MASP2: variants seen among roughly 807,000 people sequenced by gnomAD.
MASP2 encodes the protein mannan-binding lectin serine protease 2.
In MASP2, 49 loss-of-function variants were observed where a neutral mutation model predicts 57.1. The ratio of observed to expected loss-of-function variants is 0.86; its 90% CI spans 0.68 to 1.09. MASP2 has a LOEUF of 1.09. Ranked by LOEUF, MASP2 falls within the 50% of genes least tolerant of loss-of-function variation. The pLI, the probability that MASP2 is intolerant of heterozygous loss-of-function variation, is 0.00. For missense variants in MASP2, 900 were observed against 874.8 expected (o/e 1.03, Z -0.36); for synonymous variants, 379 against 340.8 (o/e 1.11, Z -1.24).
At chr1:11,033,926 G>GACACACACAC (rs762078074) in intron 8 of MASP2, among the ~76,000 whole-genome samples, 7 of 140,128 alleles carry the variant, frequency 5.0e-5, no homozygotes, top group East Asian at 2.2e-4. Context: ...GTGAGACTCC[G>GACACACACAC]ACACACACAC....
At chr1:11,030,911 C>G (rs769989794) in intron 8 of MASP2, 29 bp from the exon 9 acceptor site, 1 of 1,604,386 alleles carries the variant, frequency 6.2e-7, no homozygotes, top group Non-Finnish European at 8.5e-7. Context: ...AGGGAGGAAT[C>G]CATTGATCAT....
intron 8 of MASP2, among the ~76,000 whole-genome samples, chr1:11,032,463 T>A (rs556628082): frequency 6.6e-6 from 1 of 151,624 alleles, no homozygotes; most frequent in East Asian, 1.9e-4. Flanking sequence ...ACTAAAAAAA[T>A]TACTGGGTGT....
At position 11,034,838 on chromosome 1, in the gene MASP2, G is replaced by C. The variant is rs146514683; in HGVS notation, c.1077C>G (p.Pro359=). The C allele has an allele frequency of 6.2e-7, 1 of 1,611,858 alleles. No homozygotes were observed. The highest frequency in any genetic ancestry group is 2.2e-5 in the East Asian group (1 of 44,716). The change falls in exon 8 of 11, where the codon CCC becomes CCG. Residue 359 remains proline, a synonymous_variant. Transcript: ENST00000400897. ...ACCACACGACCGTACTGCTGCACGC[G>C]GGCATTGGCCGGTCCCAAGATCCAT... ...QKDGSWDRPM[P]ACSIVDCGPP...
chr1:11,029,701 G>T (rs1300460511), intron 10 of MASP2: 2 of 122,896 alleles, frequency 1.6e-5, no homozygotes, highest in Admixed American at 2.4e-4. Flanking sequence ...GAGTATAATG[G>T]TGCGATCTGG....
chr1:11,030,603 A>G, intron 9 of MASP2, 145 bp downstream of exon 9: 1 of 877,462 alleles, frequency 1.1e-6, no homozygotes, highest in South Asian at 2.0e-5. Flanking sequence ...CACTTTAGCT[A>G]TAATATTTCA....
intron 10 of MASP2, among the ~76,000 whole-genome samples, chr1:11,028,723 T>G (rs1359411221): frequency 8.7e-5 from 13 of 150,038 alleles, no homozygotes; most frequent in African/African-American, 2.7e-4. Flanking sequence ...TTTTTTTTTT[T>G]TTTTTTTTGA....
In MASP2 at chr1:11,045,530, T is replaced by C. The variant is rs771974148; in HGVS notation, c.422A>G (p.Glu141Gly). The C allele has an allele frequency of 1.9e-6, 3 of 1,606,326 alleles. No individual in the cohort carries two copies. Among genetic ancestry groups the C allele is most frequent in the Non-Finnish European group, 2.5e-6 (3 of 1,177,840 alleles). ...CGCCTCTCCCGGGGCCACCTGGCAC[T>C]CGTCAATGTCTGGGGGAGAGGCAGG... ...EAFYAAEDID[E>G]CQVAPGEAPT... is the part of the protein sequence containing the mutation. The change falls in exon 4 of 11, where the codon GAG becomes GGG. Residue 141 changes from glutamate to glycine, a missense_variant. By Grantham distance (98) the Glu-to-Gly change is moderately conservative. Coordinates refer to ENST00000400897, the MANE Select transcript of MASP2 (RefSeq NM_006610.4).
At position 11,042,975 on chromosome 1, in the gene MASP2, C is replaced by T; in HGVS notation, c.789G>A (p.Leu263=). 1 of 1,613,918 alleles carries T rather than the reference C, an allele frequency of 6.2e-7. No individual in the cohort carries two copies. The highest frequency in any genetic ancestry group is 1.1e-5 in the South Asian group (1 of 91,084). ...TGCTTTTTGTTTCAATCCTGTGGGG[C>T]AATGTCTTCCCACAGAATGGGCCAT... ...EEHGPFCGKT[L]PHRIETKSNT... Residue 263 remains leucine (L), a synonymous_variant, in exon 6 of 11, where the codon TTG becomes TTA. Coordinates refer to ENST00000400897, the MANE Select transcript of MASP2 (RefSeq NM_006610.4).
chr1:11,042,780 G>A, intron 6 of MASP2, 95 bp downstream of exon 6: 1 of 1,408,490 alleles, frequency 7.1e-7, no homozygotes, highest in Non-Finnish European at 9.7e-7. Flanking sequence ...CCTAGTCCTG[G>A]CCCAGAAGGA....
Position 11,045,531 on chromosome 1 carries a change from C to G in MASP2, c.421G>C (p.Glu141Gln), listed in dbSNP as rs773222632. Reference protein sequence around the residue: ...EAFYAAEDIDECQVAPGEAPT... With the variant: ...EAFYAAEDIDQCQVAPGEAPT... ...GCCTCTCCCGGGGCCACCTGGCACT[C>G]GTCAATGTCTGGGGGAGAGGCAGGG... The change falls in exon 4 of 11, where the codon GAG becomes CAG. Residue 141 changes from glutamate to glutamine, a missense_variant. Glu to Gln is a conservative substitution (Grantham distance 29). Transcript: ENST00000400897. 1.9e-6 allele frequency: 3 copies of G among 1,606,126 alleles called. No individual in the cohort carries two copies. In the African/African-American group the frequency reaches 4.0e-5, roughly 21 times the overall value.
At position 11,033,957 on chromosome 1, in the gene MASP2, ACACACACACTCTCTCT is replaced by A. The variant is rs1157324664; in HGVS notation, c.1087+855_1087+870del. ...CACACACACACACACACACACACAC[ACACACACACTCTCTCT>A]CTCTCTCTCTCTCACACACTTTGGG... On this transcript the variant is annotated intron_variant, in intron 8 of 10. Coordinates refer to ENST00000400897, the MANE Select transcript of MASP2 (RefSeq NM_006610.4). Among the ~76,000 whole-genome samples the A allele has an allele frequency of 2.4e-3, 251 of 103,748 alleles. 1 individual carries two copies. The highest frequency in any genetic ancestry group is 0.013 in the African/African-American group (186 of 14,342). The allele number at this position is 103,748 out of a possible 152,430, so 68.1% of individuals were successfully genotyped here.
At chr1:11,036,510 C>CAAAAAAAAAAAACAAAA (rs1638239079) in intron 7 of MASP2, among the ~76,000 whole-genome samples, 1 of 54,330 alleles carries the variant, frequency 1.8e-5, no homozygotes, top group African/African-American at 6.2e-5. Context: ...GACTCCGTCT[C>CAAAAAAAAAAAACAAAA]AAAAAAAAAA....
Position 11,027,347 on chromosome 1 carries a change from T to A in MASP2, c.1599A>T (p.Ile533=), listed in dbSNP as rs1278232417. The change falls in exon 11 of 11, where the codon ATA becomes ATT. Residue 533 remains isoleucine, a synonymous_variant. Coordinates refer to ENST00000400897, the MANE Select transcript of MASP2 (RefSeq NM_006610.4). The part of the protein sequence containing the change: ...YTHDAGFDND[I]ALIKLNNKVV... ...CTTTGTTATTCAATTTAATCAGTGC[T>A]ATGTCATTGTCAAAGCCAGCATCAT... 1.2e-6 allele frequency: 2 copies of A among 1,614,200 alleles called. No individual in the cohort carries two copies. The highest frequency in any genetic ancestry group is 1.7e-6 in the Non-Finnish European group (2 of 1,180,032).
chr1:11,037,798 A>G lies in MASP2; in HGVS notation c.903T>C (p.Pro301=), dbSNP rs150249517. 17 of 1,610,110 alleles carry G rather than the reference A, an allele frequency of 1.1e-5. No individual in the cohort carries two copies. The highest frequency in any genetic ancestry group is 1.4e-5 in the Non-Finnish European group (17 of 1,177,986). Residue 301 remains proline, a synonymous_variant, in exon 7 of 11, where the codon CCT becomes CCC. Coordinates refer to ENST00000400897, the MANE Select transcript of MASP2 (RefSeq NM_006610.4). ...IHYTSTAQPC[P]YPMAPPNGHV... The stretch of plus-strand genomic sequence containing the variant: ...GGCCATTAGGTGGCGCCATCGGATA[A>G]GGGCAAGGCTGCGCTGCGCAGAGGA...
intron 7 of MASP2, 121 bp from the exon 8 acceptor site, chr1:11,035,027 C>A (rs979790330): frequency 1.4e-5 from 9 of 653,894 alleles, no homozygotes; most frequent in Non-Finnish European, 1.8e-5. Context: ...AAGGGGGTGG[C>A]AGCACACATG....
chr1:11,043,524 C>T lies in MASP2; in HGVS notation c.556G>A (p.Gly186Ser), dbSNP rs771723749. 2.7e-5 allele frequency: 43 copies of T among 1,599,770 alleles called. No individual in the cohort carries two copies. The highest frequency in any genetic ancestry group is 1.4e-4 in the South Asian group (12 of 88,606). ...NKRTCSALCS[G>S]QVFTQRSGEL... ...CCAGACCTCTGGGTGAAGACCTGGC[C>T]GGAGCACAGGGCTGGAAGGAGGGAA... Residue 186 changes from glycine (G) to serine (S), a missense_variant, in exon 5 of 11, where the codon GGC becomes AGC. Coordinates refer to ENST00000400897, the MANE Select transcript of MASP2 (RefSeq NM_006610.4).
chr1:11,037,806 G>A lies in MASP2; in HGVS notation c.895C>T (p.Pro299Ser), dbSNP rs1269801563. The change falls in exon 7 of 11, where the codon CCT (proline) becomes TCT (serine). Residue 299 changes from proline (P) to serine (S), a missense_variant. By Grantham distance (74) the Pro-to-Ser change is moderately conservative (BLOSUM62 -1). Transcript: ENST00000400897. ...GGTGGCGCCATCGGATAAGGGCAAG[G>A]CTGCGCTGCGCAGAGGAAACCAGGC... ...WKIHYTSTAQ[P>S]CPYPMAPPNG... 4.4e-6 allele frequency: 7 copies of A among 1,603,456 alleles called. No homozygotes were observed. Among genetic ancestry groups the A allele is most frequent in the Non-Finnish European group, 6.0e-6 (7 of 1,173,774 alleles).
At chr1:11,037,628 G>A in intron 7 of MASP2, 65 bp downstream of exon 7, 1 of 990,836 alleles carries the variant, frequency 1.0e-6, no homozygotes, top group Non-Finnish European at 1.5e-6. Context: ...CATATCTGCA[G>A]ATAGAAATAT....
intron 6 of MASP2, among the ~76,000 whole-genome samples, chr1:11,041,105 A>ATGGATGGATGGATGGATG (rs59932912): frequency 1.5e-5 from 2 of 132,936 alleles, no homozygotes; most frequent in Admixed American, 7.4e-5. Flanking sequence ...AAGGATGGAT[A>ATGGATGGATGGATGGATG]GATGGATGGA....
Sources: allele counts gnomAD v4.1 joint callset (sites outside exome capture counted in the v4.1 genomes callset), GRCh38; gene constraint gnomAD v4.1.1; transcripts MANE v1.5; gene names NCBI Gene and HGNC (gene_info 2026-07-23, HGNC 2026-07-21).